ZNF280D: variants seen among roughly 807,000 people sequenced by gnomAD.
ZNF280D encodes zinc finger protein 280D.
Under a neutral mutation model 94.7 loss-of-function variants are expected in ZNF280D, and 39 were observed. The ratio of observed to expected loss-of-function variants is 0.41; its 90% CI spans 0.32 to 0.54. ZNF280D has a LOEUF of 0.54. Ranked by LOEUF, ZNF280D falls within the 20% of genes least tolerant of loss-of-function variation. The probability of loss-of-function intolerance (pLI) is 0.22; values close to 1 mark genes in which losing one functional copy is unlikely to be tolerated. For synonymous variants in ZNF280D, 398 were observed against 377.6 expected, an observed-to-expected ratio of 1.05 and a Z score of -0.63; for missense variants, 1,090 against 1,149.3, an observed-to-expected ratio of 0.95 and a Z score of 0.75.
intron 15 of ZNF280D, 39 bp downstream of exon 15, chr15:56,666,639 TA>T (rs2140856440): frequency 6.6e-7 from 1 of 1,524,268 alleles, no homozygotes; most frequent in East Asian, 2.4e-5. Context: ...TTTTTATACT[TA>T]AGTTTAAATT....
At chr15:56,717,739 T>C (rs1319595046) in intron 1 of ZNF280D, among the ~76,000 whole-genome samples, 1 of 152,112 alleles carries the variant, frequency 6.6e-6, no homozygotes, top group African/African-American at 2.4e-5. Context: ...GGTAAGTATC[T>C]CGCCCAAAGT....
intron 1 of ZNF280D, among the ~76,000 whole-genome samples, chr15:56,723,235 A>AAAAAT (rs2058465168): frequency 6.6e-6 from 1 of 150,692 alleles, no homozygotes; most frequent in Non-Finnish European, 1.5e-5. Context: ...TAATAATAAA[A>AAAAAT]AAATAAATAA....
chr15:56,653,679 T>C, intron 19 of ZNF280D: 1 of 1,333,402 alleles, frequency 7.5e-7, no homozygotes, highest in South Asian at 2.1e-5. Context: ...TTAAGACGTA[T>C]AAGAAATTAA....
intron 16 of ZNF280D, among the ~76,000 whole-genome samples, chr15:56,659,635 G>GT (rs1343132660): frequency 6.6e-6 from 1 of 151,826 alleles, no homozygotes; most frequent in Non-Finnish European, 1.5e-5. Context: ...GGCGTTCACT[G>GT]GGGGGTCTTG....
rs554000041 is a variant in ZNF280D, at chr15:56,707,423, T to C, written c.-85-117A>G. Reference sequence around the variant, plus strand: ...GTTTGATATATCTGATATACACATATAGTTCATTTTACATAATTGGTTCAT... The same window carrying C: ...GTTTGATATATCTGATATACACATACAGTTCATTTTACATAATTGGTTCAT... On this transcript the variant is annotated intron_variant, in intron 1 of 21. Transcript: ENST00000267807. 35 of 752,382 alleles carry C rather than the reference T, an allele frequency of 4.7e-5. No individual in the cohort carries two copies. The Admixed American group carries it at 8.8e-4, about 19-fold the overall frequency. The allele number at this position is 752,382 out of a possible 1,614,324, so 46.6% of individuals were successfully genotyped here.
At chr15:56,698,793 G>C (rs1179907475) in intron 6 of ZNF280D, 1 of 152,236 alleles carries the variant, frequency 6.6e-6, no homozygotes, top group African/African-American at 2.4e-5. Context: ...GACCTACGTG[G>C]CAAGGAGCCA....
chr15:56,651,391 A>G (rs1012242299), intron 19 of ZNF280D, among the ~76,000 whole-genome samples: 1 of 152,230 alleles, frequency 6.6e-6, no homozygotes, highest in Admixed American at 6.5e-5. Flanking sequence ...ACTAAAACTC[A>G]TTAGCACTAA....
intron 1 of ZNF280D, among the ~76,000 whole-genome samples, chr15:56,712,097 T>C (rs951630403): frequency 6.6e-6 from 1 of 152,326 alleles, no homozygotes; most frequent in South Asian, 2.1e-4. Flanking sequence ...AAATTTCTCA[T>C]GATGAAATTT....
chr15:56,690,243 G>A (rs1198718519), intron 7 of ZNF280D, among the ~76,000 whole-genome samples: 2 of 151,964 alleles, frequency 1.3e-5, no homozygotes, highest in African/African-American at 2.4e-5. Context: ...TTAGCCTGGC[G>A]TGGTGACGGG....
intron 19 of ZNF280D, among the ~76,000 whole-genome samples, chr15:56,648,105 G>T (rs2053003098): frequency 6.6e-6 from 1 of 152,176 alleles, no homozygotes; most frequent in East Asian, 1.9e-4. Context: ...CCACTGCACT[G>T]CCTCAAGCCA....
At chr15:56,708,005 T>A (rs1247067175) in intron 1 of ZNF280D, among the ~76,000 whole-genome samples, 1 of 152,052 alleles carries the variant, frequency 6.6e-6, no homozygotes, top group East Asian at 1.9e-4. Flanking sequence ...TGAATTTCCA[T>A]GCACACGCAA....
chr15:56,728,034 A>ATT (rs66766415), intron 1 of ZNF280D, among the ~76,000 whole-genome samples: 25 of 146,716 alleles, frequency 1.7e-4, no homozygotes, highest in African/African-American at 5.8e-4. Context: ...TACTTAATAC[A>ATT]TTTTTTTTTT....
At chr15:56,679,546 T>C (rs997426771) in intron 10 of ZNF280D, among the ~76,000 whole-genome samples, 2 of 152,218 alleles carry the variant, frequency 1.3e-5, no homozygotes, top group Admixed American at 6.5e-5. Flanking sequence ...CCTAATAGGC[T>C]TCTATGAGCA....
At chr15:56,656,224 C>A (rs2053547306) in intron 17 of ZNF280D, among the ~76,000 whole-genome samples, 1 of 152,090 alleles carries the variant, frequency 6.6e-6, no homozygotes, top group Admixed American at 6.5e-5. Context: ...ACTTTATGTG[C>A]AAGACAGATA....
chr15:56,686,478 A>T (rs758623520), intron 9 of ZNF280D, among the ~76,000 whole-genome samples: 2 of 152,188 alleles, frequency 1.3e-5, no homozygotes, highest in Non-Finnish European at 2.9e-5. Context: ...TCTATATCAT[A>T]AACAACAGCA....
intron 1 of ZNF280D, among the ~76,000 whole-genome samples, chr15:56,728,131 C>T (rs998985591): frequency 1.3e-5 from 2 of 152,000 alleles, no homozygotes; most frequent in African/African-American, 4.8e-5. Flanking sequence ...TGAAGCGATC[C>T]TCCCACCTCA....
Position 56,701,002 on chromosome 15 carries a change from T to G in ZNF280D, c.312A>C (p.Ser104=), listed in dbSNP as rs767432145. 6.2e-7 allele frequency: 1 copy of G among 1,613,976 alleles called. No individual in the cohort carries two copies. Among genetic ancestry groups the G allele is most frequent in the South Asian group, 1.1e-5 (1 of 91,076 alleles). The stretch of plus-strand genomic sequence containing the variant: ...TAGACTCAGGATGAAAATTTATTGG[T>G]GAGGCAGGCACTGGATTTGATGTTG... The part of the protein sequence containing the change: ...TNPTSNPVPA[S]PINFHPESRS... The change falls in exon 6 of 22, where the codon TCA becomes TCC. Residue 104 remains serine, a synonymous_variant. Transcript: ENST00000267807.
intron 16 of ZNF280D, among the ~76,000 whole-genome samples, chr15:56,660,120 G>T (rs1316427385): frequency 3.3e-5 from 5 of 151,960 alleles, no homozygotes; most frequent in Admixed American, 3.3e-4. Flanking sequence ...AGAGTACATT[G>T]GGAAGTTGGG....
chr15:56,721,179 G>T (rs1232704330), intron 1 of ZNF280D, among the ~76,000 whole-genome samples: 1 of 152,036 alleles, frequency 6.6e-6, no homozygotes, highest in Admixed American at 6.6e-5. Context: ...AGCCAGGCTG[G>T]TCTCGAACTC....
Sources: gnomAD v4.1 joint callset for allele counts (sites outside exome capture counted in the v4.1 genomes callset) on GRCh38, gnomAD v4.1.1 for gene constraint, MANE v1.5 for transcripts, NCBI Gene and HGNC (gene_info 2026-07-23, HGNC 2026-07-21) for gene names.